The following SCART1 variants were observed in gnomAD, a reference collection of about 807,000 sequenced individuals.
SCART1 encodes scavenger receptor family member expressed on T cells 1, also known as scavenger receptor cysteine-rich domain-containing protein SCART1.
Under a neutral mutation model 36.2 loss-of-function variants are expected in SCART1, and 62 were observed. The observed-to-expected ratio is 1.71, with a 90% CI of 1.40 to 2.12. The LOEUF is 2.12. SCART1 is among the 30% of genes most tolerant of loss of function. The probability of loss-of-function intolerance (pLI) is 0.00; values close to 1 mark genes in which losing one functional copy is unlikely to be tolerated. For synonymous variants in SCART1, 487 were observed against 238.7 expected (o/e 2.04, Z -9.59); for missense variants, 1,041 against 540.5 (o/e 1.93, Z -9.18).
chr10:133,465,914 C>A (rs1252986596), intron 9 of SCART1: 1 of 676,956 alleles, frequency 1.5e-6, no homozygotes, highest in Non-Finnish European at 2.7e-6. Context: ...TTAGCAAAAG[C>A]AGCAGCAGTG....
rs958195400 is a variant in SCART1, at chr10:133,468,967, A to T, written c.*999A>T. On this transcript the variant is annotated 3_prime_UTR_variant, in exon 12 of 12. Transcript: ENST00000640237. ...GAGTTAGGAGTATATTCTCTTTTAAAAAATATTTGCTAATTTACACTCCCA... is the reference window on the plus strand; with the variant it reads ...GAGTTAGGAGTATATTCTCTTTTAATAAATATTTGCTAATTTACACTCCCA... 2.0e-5 allele frequency: 3 copies of T among 152,172 alleles called. 1 individual carries two copies. The East Asian group carries it at 5.8e-4, about 29-fold the overall frequency. 9.4% of individuals were successfully genotyped at this position (152,172 alleles called of 1,614,324 possible). A position where few individuals can be genotyped will look rare whatever the true frequency, so the allele number is the denominator to read the frequency against.
At chr10:133,466,442 C>A in intron 10 of SCART1, 61 bp downstream of exon 10, 2 of 679,096 alleles carry the variant, frequency 2.9e-6, no homozygotes, top group South Asian at 3.2e-5. Flanking sequence ...CAGCTCACAG[C>A]TCCAGCCTGG....
intron 1 of SCART1, among the ~76,000 whole-genome samples, chr10:133,455,221 C>T (rs189631230): frequency 4.9e-4 from 74 of 152,240 alleles, no homozygotes; most frequent in Admixed American, 1.5e-3. Context: ...GAGCTGAGAT[C>T]GTGCCATTGC....
intron 10 of SCART1, 166 bp from the exon 11 acceptor site, chr10:133,467,032 G>T: frequency 1.9e-6 from 1 of 531,214 alleles, no homozygotes; most frequent in South Asian, 2.7e-5. Context: ...AGGGATGGGA[G>T]GGCACTGGGA....
exon 6 of SCART1, chr10:133,459,886 A>G (rs1850674463): frequency 5.5e-6 from 3 of 547,524 alleles, no homozygotes; most frequent in Non-Finnish European, 9.6e-6. Flanking sequence ...AGGGAGCCTC[A>G]GGGTGCGGCT....
intron 6 of SCART1, among the ~76,000 whole-genome samples, chr10:133,461,394 C>A (rs1041596259): frequency 3.3e-5 from 5 of 152,162 alleles, no homozygotes; most frequent in Non-Finnish European, 7.3e-5. Context: ...GTGGGCTCTT[C>A]TCATTGATTT....
chr10:133,468,279 C>T (rs535619077), exon 12 of SCART1: 260 of 222,290 alleles, frequency 1.2e-3, no homozygotes, highest in African/African-American at 5.1e-3. Context: ...CTTCATCTTC[C>T]GCTCCACAGC....
intron 6 of SCART1, among the ~76,000 whole-genome samples, chr10:133,460,496 A>ATATATATTTTTTTT: frequency 7.4e-6 from 1 of 136,006 alleles, no homozygotes; most frequent in South Asian, 2.7e-4. Flanking sequence ...ATATTTATAT[A>ATATATATTTTTTTT]TTTTAAAAAA....
exon 12 of SCART1, chr10:133,467,961 CGTT>C (rs2133561057): frequency 1.4e-6 from 1 of 691,094 alleles, no homozygotes; most frequent in Admixed American, 2.0e-5. Flanking sequence ...GAGGAGATGA[CGTT>C]GTAAAGCAAC....
At chr10:133,460,496 A>ATTTTTTTT (rs1554896744) in intron 6 of SCART1, among the ~76,000 whole-genome samples, 3 of 136,014 alleles carry the variant, frequency 2.2e-5, no homozygotes, top group Non-Finnish European at 3.2e-5. Context: ...ATATTTATAT[A>ATTTTTTTT]TTTTAAAAAA....
chr10:133,464,333 AGTGAACCTGG>A (rs1850738072), intron 6 of SCART1: 2 of 347,044 alleles, frequency 5.8e-6, no homozygotes, highest in Admixed American at 4.7e-5. Flanking sequence ...CTGGGCGTGC[AGTGAACCTGG>A]GTGCTGCAGT....
chr10:133,466,393 C>A lies in SCART1; in HGVS notation c.2806+12C>A. 1.4e-6 allele frequency: 1 copy of A among 700,800 alleles called. No homozygotes were observed. Among genetic ancestry groups the A allele is most frequent in the Non-Finnish European group, 2.6e-6 (1 of 383,748 alleles). The allele number at this position is 700,800 out of a possible 1,614,324, so 43.4% of individuals were successfully genotyped here. ...AGCCATGCAGAGGGGTAAGCGTGAG[C>A]CCACCCTGATCCCATCAACTGGTGT... On this transcript the variant is annotated intron_variant, in intron 10 of 11. Coordinates refer to ENST00000640237, the Ensembl canonical transcript of SCART1.
In SCART1 at chr10:133,464,588, A is replaced by G; in HGVS notation, c.1970-18A>G. On this transcript the variant is annotated intron_variant, in intron 6 of 11. Coordinates refer to ENST00000640237, the Ensembl canonical transcript of SCART1. ...CCCAGGCAGGGCACTCCCTGGCCTG[A>G]CTGTGCTTGCCTTGCAGAGTCGGTG... 1 of 635,428 alleles carries G rather than the reference A, an allele frequency of 1.6e-6. No individual in the cohort carries two copies. The highest frequency in any genetic ancestry group is 2.9e-6 in the Non-Finnish European group (1 of 349,418). 39.4% of individuals were successfully genotyped at this position (635,428 alleles called of 1,614,324 possible).
rs533520821 is a variant in SCART1, at chr10:133,456,887, G to A, written c.385+333G>A. Among the ~76,000 whole-genome samples the A allele has an allele frequency of 1.4e-4, 22 of 152,312 alleles. No homozygotes were observed. In the South Asian group the frequency reaches 4.6e-3, roughly 32 times the overall value. On this transcript the variant is annotated intron_variant, in intron 2 of 11. Coordinates refer to ENST00000640237, the Ensembl canonical transcript of SCART1. ...AGGCCCACACAGGTAGCTGATGATG[G>A]TTTCTTAGACAAATGACAGACAGGT...
chr10:133,465,848 G>T, intron 9 of SCART1: 1 of 694,014 alleles, frequency 1.4e-6, no homozygotes, highest in Non-Finnish European at 2.6e-6. Flanking sequence ...AGGTTCAGTT[G>T]TTCCCTGCAC....
chr10:133,461,595 C>T (rs117223384), intron 6 of SCART1, among the ~76,000 whole-genome samples: 14 of 152,264 alleles, frequency 9.2e-5, no homozygotes, highest in African/African-American at 3.1e-4. Flanking sequence ...GTGGCACCCA[C>T]GTCACAATCT....
intron 9 of SCART1, 147 bp from the exon 10 acceptor site, chr10:133,466,088 A>G: frequency 1.6e-6 from 1 of 627,636 alleles, no homozygotes; most frequent in South Asian, 1.9e-5. Context: ...GCACAGCTGA[A>G]ACCAGCAGAT....
intron 2 of SCART1, 78 bp from the exon 3 acceptor site, chr10:133,457,201 C>T: frequency 3.0e-6 from 2 of 677,744 alleles, no homozygotes; most frequent in Non-Finnish European, 5.3e-6. Context: ...TCACTGTCCT[C>T]CCTGAAAAAG....
At chr10:133,457,681 C>G (rs909049180) in intron 3 of SCART1, 106 bp downstream of exon 3, 3 of 589,812 alleles carry the variant, frequency 5.1e-6, no homozygotes, top group Non-Finnish European at 9.0e-6. Context: ...ATGGGCCCCC[C>G]TGTCCTGCAT....
Sources: allele counts gnomAD v4.1 joint callset (sites outside exome capture counted in the v4.1 genomes callset), GRCh38; gene constraint gnomAD v4.1.1; transcripts MANE v1.5; gene names NCBI Gene and HGNC (gene_info 2026-07-23, HGNC 2026-07-21).